CEP112: variants seen among roughly 807,000 people sequenced by gnomAD.
CEP112 encodes centrosomal protein 112.
A neutral mutation model predicts 153.0 loss-of-function variants in CEP112; 127 were observed. The ratio of observed to expected loss-of-function variants is 0.83; its 90% CI spans 0.72 to 0.96. The LOEUF is 0.96. Ranked by LOEUF, CEP112 falls within the 40% of genes least tolerant of loss-of-function variation. The pLI, the probability that CEP112 is intolerant of heterozygous loss-of-function variation, is 0.00. For missense variants in CEP112, 1,089 were observed against 1,101.2 expected (o/e 0.99, Z 0.16); for synonymous variants, 358 against 374.4 (o/e 0.96, Z 0.51).
intron 21 of CEP112, among the ~76,000 whole-genome samples, chr17:65,764,444 T>C (rs1209428789): frequency 6.6e-6 from 1 of 152,266 alleles, no homozygotes; most frequent in South Asian, 2.1e-4. Flanking sequence ...ATGTCTAATG[T>C]CTAATGTGCT....
At chr17:65,806,727 C>G (rs1339543040) in intron 21 of CEP112, among the ~76,000 whole-genome samples, 1 of 152,162 alleles carries the variant, frequency 6.6e-6, no homozygotes, top group Non-Finnish European at 1.5e-5. Flanking sequence ...TTCCCCTTCA[C>G]CTTCTGCCAT....
chr17:66,111,638 A>G (rs1027484087), intron 6 of CEP112, among the ~76,000 whole-genome samples: 9 of 152,158 alleles, frequency 5.9e-5, no homozygotes, highest in African/African-American at 2.2e-4. Context: ...GTTCTCACTT[A>G]TAAGTGAGAG....
At chr17:65,855,931 G>A (rs1050182937) in intron 20 of CEP112, among the ~76,000 whole-genome samples, 1 of 152,006 alleles carries the variant, frequency 6.6e-6, no homozygotes, top group African/African-American at 2.4e-5. Context: ...AGGTGTGGTG[G>A]GGTGTGCCTG....
intron 24 of CEP112, among the ~76,000 whole-genome samples, chr17:65,670,114 ACC>A (rs959141002): frequency 6.6e-6 from 1 of 151,108 alleles, no homozygotes; most frequent in African/African-American, 2.4e-5. Flanking sequence ...TTTAAAAATA[ACC>A]TGTTTGTCCC....
At chr17:66,121,315 T>C (rs2069575951) in intron 6 of CEP112, among the ~76,000 whole-genome samples, 10 of 152,156 alleles carry the variant, frequency 6.6e-5, no homozygotes, top group Admixed American at 6.5e-4. Flanking sequence ...TCTCAGCAAT[T>C]TTAGTACTGT....
chr17:66,058,169 T>A (rs1341558769), intron 11 of CEP112, among the ~76,000 whole-genome samples: 1 of 151,914 alleles, frequency 6.6e-6, no homozygotes, highest in Non-Finnish European at 1.5e-5. Context: ...AAAAAAAGCT[T>A]TACTAATCCA....
intron 24 of CEP112, chr17:65,655,020 C>T (rs2143700603): frequency 2.9e-6 from 2 of 684,958 alleles, no homozygotes; most frequent in South Asian, 1.3e-5. Flanking sequence ...ATCATAAATG[C>T]TTCCTCGGAT....
At chr17:66,116,394 T>G (rs1189594704) in intron 6 of CEP112, among the ~76,000 whole-genome samples, 1 of 152,212 alleles carries the variant, frequency 6.6e-6, no homozygotes, top group Non-Finnish European at 1.5e-5. Flanking sequence ...AAATTTTGAT[T>G]GTTTCTTGTA....
intron 6 of CEP112, among the ~76,000 whole-genome samples, chr17:66,101,257 T>C (rs1598352146): frequency 6.6e-6 from 1 of 152,116 alleles, no homozygotes; most frequent in Admixed American, 6.6e-5. Context: ...ACATTGTATT[T>C]AAGGAACTCA....
chr17:65,857,202 C>T (rs1050554003), intron 20 of CEP112, among the ~76,000 whole-genome samples: 1 of 152,112 alleles, frequency 6.6e-6, no homozygotes, highest in African/African-American at 2.4e-5. Context: ...CTGCTTATCA[C>T]TAAAGACAGA....
At chr17:65,665,140 T>C (rs547654430) in intron 24 of CEP112, among the ~76,000 whole-genome samples, 39 of 152,334 alleles carry the variant, frequency 2.6e-4, no homozygotes, top group African/African-American at 8.7e-4. Context: ...GCATTAACAT[T>C]CAGCCCATAA....
At chr17:66,189,151 A>AG (rs1215022329) in intron 1 of CEP112, among the ~76,000 whole-genome samples, 2 of 152,204 alleles carry the variant, frequency 1.3e-5, no homozygotes, top group African/African-American at 4.8e-5. Context: ...TCTAGCCCTC[A>AG]GATTTATTAT....
At chr17:65,832,215 A>G (rs1281284090) in intron 21 of CEP112, among the ~76,000 whole-genome samples, 1 of 152,168 alleles carries the variant, frequency 6.6e-6, no homozygotes, top group Non-Finnish European at 1.5e-5. Context: ...AATTATACAG[A>G]GCACTAAATA....
At chr17:65,889,743 A>C (rs1737830666) in intron 20 of CEP112, among the ~76,000 whole-genome samples, 1 of 152,080 alleles carries the variant, frequency 6.6e-6, no homozygotes, top group African/African-American at 2.4e-5. Flanking sequence ...AAGTAGCATC[A>C]ACACATAAAC....
chr17:65,846,312 A>C (rs539395535), intron 21 of CEP112, among the ~76,000 whole-genome samples: 1 of 152,354 alleles, frequency 6.6e-6, no homozygotes, highest in South Asian at 2.1e-4. Context: ...CAAATTTTAA[A>C]AAATTTGTGT....
chr17:65,720,136 G>A (rs182150362), intron 23 of CEP112, among the ~76,000 whole-genome samples: 1 of 152,302 alleles, frequency 6.6e-6, no homozygotes, highest in African/African-American at 2.4e-5. Flanking sequence ...GACATGAACC[G>A]CATTTGGGAA....
chr17:65,825,912 C>T (rs2056817970), intron 21 of CEP112, among the ~76,000 whole-genome samples: 3 of 152,080 alleles, frequency 2.0e-5, no homozygotes, highest in African/African-American at 7.2e-5. Flanking sequence ...CCTGTTGCCC[C>T]CAGATGTCAG....
chr17:66,091,945 T>G (rs1226843351), intron 8 of CEP112, among the ~76,000 whole-genome samples: 1 of 151,986 alleles, frequency 6.6e-6, no homozygotes, highest in African/African-American at 2.4e-5. Flanking sequence ...AATAAATTCC[T>G]GGACACACAG....
chr17:66,149,295 C>T (rs2071059804), intron 4 of CEP112, among the ~76,000 whole-genome samples: 1 of 152,146 alleles, frequency 6.6e-6, no homozygotes, highest in African/African-American at 2.4e-5. Flanking sequence ...CTATAGTTTT[C>T]TTTCCTTGTA....
Sources: allele counts gnomAD v4.1 joint callset (sites outside exome capture counted in the v4.1 genomes callset), GRCh38; gene constraint gnomAD v4.1.1; transcripts MANE v1.5; gene names NCBI Gene and HGNC (gene_info 2026-07-23, HGNC 2026-07-21).